Variants in GALNTL6 observed in about 807,000 individuals in gnomAD.
GALNTL6 encodes the protein polypeptide N-acetylgalactosaminyltransferase like 6.
A neutral mutation model predicts 73.7 loss-of-function variants in GALNTL6; 46 were observed. That is an observed-to-expected ratio of 0.62 (90% confidence interval 0.49 to 0.80). The LOEUF is 0.80. GALNTL6 is among the 30% of genes least tolerant of loss of function. The pLI is 0.00. For synonymous variants in GALNTL6, 259 were observed against 263.7 expected, an observed-to-expected ratio of 0.98 and a Z score of 0.17; for missense variants, 604 against 755.0, an observed-to-expected ratio of 0.80 and a Z score of 2.34.
At chr4:172,290,993 A>G (rs1739452418) in intron 3 of GALNTL6, among the ~76,000 whole-genome samples, 1 of 152,020 alleles carries the variant, frequency 6.6e-6, no homozygotes, top group South Asian at 2.1e-4. Flanking sequence ...CTGCTTATGT[A>G]TACATGATAA....
At chr4:172,178,224 C>T (rs945889144) in intron 2 of GALNTL6, among the ~76,000 whole-genome samples, 2 of 152,100 alleles carry the variant, frequency 1.3e-5, no homozygotes, top group East Asian at 3.9e-4. Flanking sequence ...ACTGTTTGAA[C>T]AGCGCCTGAC....
intron 10 of GALNTL6, among the ~76,000 whole-genome samples, chr4:172,966,796 C>A (rs750587468): frequency 5.9e-5 from 9 of 152,248 alleles, no homozygotes; most frequent in Non-Finnish European, 1.0e-4. Flanking sequence ...GCCAATATTC[C>A]TCTAAGTGTC....
At chr4:172,722,290 G>T (rs572396167) in intron 5 of GALNTL6, among the ~76,000 whole-genome samples, 3 of 152,240 alleles carry the variant, frequency 2.0e-5, no homozygotes, top group East Asian at 3.9e-4. Context: ...AGTGAAACTT[G>T]TATGCAATCT....
chr4:171,886,084 TA>T (rs1296443467), intron 2 of GALNTL6, among the ~76,000 whole-genome samples: 1 of 152,072 alleles, frequency 6.6e-6, no homozygotes, highest in Non-Finnish European at 1.5e-5. Flanking sequence ...TGCTAAAGGA[TA>T]AAATATCTAC....
chr4:172,915,031 G>A (rs1339126996), intron 8 of GALNTL6, among the ~76,000 whole-genome samples: 5 of 152,172 alleles, frequency 3.3e-5, no homozygotes, highest in Non-Finnish European at 5.9e-5. Flanking sequence ...TAAAACAATA[G>A]AAATTATAAC....
chr4:172,294,931 C>G (rs1444293784), intron 3 of GALNTL6, among the ~76,000 whole-genome samples: 1 of 152,058 alleles, frequency 6.6e-6, no homozygotes, highest in Non-Finnish European at 1.5e-5. Context: ...TTAAACACAG[C>G]TAATTATTGA....
intron 4 of GALNTL6, among the ~76,000 whole-genome samples, chr4:172,320,114 G>A (rs1740702745): frequency 6.6e-6 from 1 of 152,148 alleles, no homozygotes; most frequent in African/African-American, 2.4e-5. Flanking sequence ...GGTAATCATA[G>A]TACAGAGGTG....
At chr4:172,522,704 T>G (rs1176145515) in intron 5 of GALNTL6, among the ~76,000 whole-genome samples, 1 of 135,452 alleles carries the variant, frequency 7.4e-6, no homozygotes, top group Non-Finnish European at 1.6e-5. Flanking sequence ...TTTACTGTAA[T>G]CAATCTAATT....
chr4:172,625,550 A>T (rs762937050), intron 5 of GALNTL6, among the ~76,000 whole-genome samples: 1 of 152,090 alleles, frequency 6.6e-6, no homozygotes, highest in Non-Finnish European at 1.5e-5. Flanking sequence ...CAGTAATAAG[A>T]TTGCTGGGTT....
chr4:172,302,842 TTTGG>T (rs1739989169), intron 3 of GALNTL6, among the ~76,000 whole-genome samples: 1 of 151,988 alleles, frequency 6.6e-6, no homozygotes. Flanking sequence ...TTCATTTAAG[TTTGG>T]CTGTTTGTTT....
At chr4:172,414,902 A>G (rs1320428008) in intron 5 of GALNTL6, among the ~76,000 whole-genome samples, 1 of 152,198 alleles carries the variant, frequency 6.6e-6, no homozygotes, top group Non-Finnish European at 1.5e-5. Flanking sequence ...ATTAATGTGA[A>G]GGTATTATTG....
intron 2 of GALNTL6, among the ~76,000 whole-genome samples, chr4:171,895,401 C>A (rs1256652914): frequency 6.6e-6 from 1 of 152,108 alleles, no homozygotes; most frequent in African/African-American, 2.4e-5. Flanking sequence ...AGGGGAGTAT[C>A]TAGAAGAGGA....
At chr4:172,358,407 T>G (rs1366559918) in intron 5 of GALNTL6, among the ~76,000 whole-genome samples, 1 of 152,260 alleles carries the variant, frequency 6.6e-6, no homozygotes, top group Non-Finnish European at 1.5e-5. Context: ...TAAACCAAGT[T>G]GGTCCAACCC....
chr4:171,925,598 A>G (rs528603696), intron 2 of GALNTL6, among the ~76,000 whole-genome samples: 3 of 152,292 alleles, frequency 2.0e-5, no homozygotes, highest in East Asian at 1.9e-4. Context: ...TTATTTTGAT[A>G]TATTTCATTT....
rs112353441 is a variant in GALNTL6, at chr4:172,311,699, C to T, written c.333C>T (p.Phe111=). 2.5e-5 allele frequency: 41 copies of T among 1,610,776 alleles called. No individual in the cohort carries two copies. The highest frequency in any genetic ancestry group is 3.3e-4 in the Middle Eastern group (2 of 6,048). Residue 111 remains phenylalanine (F), a synonymous_variant, in exon 4 of 13, where the codon TTC becomes TTT. Transcript: ENST00000506823. ...ACAGGGAAAATGGTTTTAATATTTT[C>T]GTCAGCAACAATATTGCTCTAGAGA... ...SAYRENGFNI[F]VSNNIALERS...
At chr4:172,403,393 G>T (rs946417836) in intron 5 of GALNTL6, among the ~76,000 whole-genome samples, 1 of 151,942 alleles carries the variant, frequency 6.6e-6, no homozygotes, top group East Asian at 1.9e-4. Flanking sequence ...GGTATATTTG[G>T]CCGTACATGC....
rs186102311 is a variant in GALNTL6, at chr4:172,369,276, A to G, written c.553+20587A>G. Among the ~76,000 whole-genome samples the G allele has an allele frequency of 2.1e-3, 313 of 152,294 alleles. 1 individual carries two copies. The highest frequency in any genetic ancestry group is 7.3e-3 in the African/African-American group (302 of 41,564). ...TAAAAGTTCTCCAAGTCCCCACCAG[A>G]TTAGCTAGACACAGAGTGCTCATTG... On this transcript the variant is annotated intron_variant, in intron 5 of 12. Coordinates refer to ENST00000506823, the MANE Select transcript of GALNTL6 (RefSeq NM_001034845.3).
intron 2 of GALNTL6, among the ~76,000 whole-genome samples, chr4:172,066,946 T>C (rs1004557563): frequency 6.6e-6 from 1 of 152,128 alleles, no homozygotes; most frequent in African/African-American, 2.4e-5. Context: ...TGAAAACTTT[T>C]TGGACTTCTC....
At chr4:172,379,470 C>T (rs1743180615) in intron 5 of GALNTL6, among the ~76,000 whole-genome samples, 1 of 135,316 alleles carries the variant, frequency 7.4e-6, no homozygotes, top group African/African-American at 2.7e-5. Context: ...GCGGAGCTTG[C>T]AGTGAGCCGA....
Sources: allele counts gnomAD v4.1 joint callset (sites outside exome capture counted in the v4.1 genomes callset), GRCh38; gene constraint gnomAD v4.1.1; transcripts MANE v1.5; gene names NCBI Gene and HGNC (gene_info 2026-07-23, HGNC 2026-07-21).